B3GALNT2: variants seen among roughly 807,000 people sequenced by gnomAD.
The protein encoded by B3GALNT2 is beta-1,3-N-acetylgalactosaminyltransferase 2.
B3GALNT2 carries 53 observed loss-of-function variants against 61.1 expected under a neutral mutation model. The observed-to-expected ratio is 0.87, with a 90% CI of 0.70 to 1.09. The LOEUF (loss-of-function observed/expected upper bound fraction) is 1.09, where lower values mean the gene tolerates loss of function less well. B3GALNT2 is among the 50% of genes least tolerant of loss of function. The pLI is 0.00. For synonymous variants in B3GALNT2, 223 were observed against 237.4 expected (o/e 0.94, Z 0.56); for missense variants, 544 against 623.0 (o/e 0.87, Z 1.35).
chr1:235,489,144 C>T, intron 3 of B3GALNT2, 24 bp downstream of exon 3: 1 of 1,612,224 alleles, frequency 6.2e-7, no homozygotes, highest in Non-Finnish European at 8.5e-7. Flanking sequence ...TTGTGTATGG[C>T]AGTCAAGGGA....
In B3GALNT2 at chr1:235,455,581, C is replaced by T. The variant is rs1391781569; in HGVS notation, c.1129G>A (p.Gly377Arg). The change falls in exon 9 of 12, where the codon GGG becomes AGG. Residue 377 changes from glycine to arginine, a missense_variant. Physicochemically the swap from Gly to Arg is moderately radical, Grantham distance 125. Coordinates refer to ENST00000366600, the MANE Select transcript of B3GALNT2 (RefSeq NM_152490.5). ...FNRIVQKNLDGPNFWWGNFRL... is the reference protein window; with the variant it reads ...FNRIVQKNLDRPNFWWGNFRL... ...TACTTTCCCCACCAAAAATTAGGCC[C>T]ATCCAGATTCTTTTGGACAATCCTA... 1 of 1,612,792 alleles carries T rather than the reference C, an allele frequency of 6.2e-7. No homozygotes were observed. The highest frequency in any genetic ancestry group is 1.3e-5 in the African/African-American group (1 of 74,882).
chr1:235,460,115 C>CTCTT (rs34044563), intron 7 of B3GALNT2, among the ~76,000 whole-genome samples: 150,684 of 151,850 alleles, frequency 0.99, 74,766 homozygotes, highest in Middle Eastern at 1. Flanking sequence ...TTTCTTTCCT[C>CTCTT]TTTCTTTTTT....
At chr1:235,441,520 C>T in the B3GALNT2 span, 60 of 419,306 alleles carry the variant, frequency 1.4e-4, no homozygotes, top group African/African-American at 1.1e-3. Flanking sequence ...TGATGTAATA[C>T]ACATGTAAAC....
At chr1:235,453,781 CAT>C (rs1683038330) in intron 10 of B3GALNT2, among the ~76,000 whole-genome samples, 1 of 152,088 alleles carries the variant, frequency 6.6e-6, no homozygotes, top group Non-Finnish European at 1.5e-5. Flanking sequence ...TAGCTGAAAA[CAT>C]AATAAGTAGG....
At chr1:235,478,150 T>C (rs1684373874) in intron 5 of B3GALNT2, among the ~76,000 whole-genome samples, 1 of 152,088 alleles carries the variant, frequency 6.6e-6, no homozygotes. Context: ...TCCCCCGGGT[T>C]CAAGCGATAC....
intron 5 of B3GALNT2, among the ~76,000 whole-genome samples, chr1:235,478,486 A>C (rs1684400335): frequency 1.3e-5 from 2 of 152,236 alleles, no homozygotes. Context: ...GATTGTTCAC[A>C]CTGATACAAA....
chr1:235,502,179 A>C (rs1171179014), intron 1 of B3GALNT2, among the ~76,000 whole-genome samples: 2 of 152,102 alleles, frequency 1.3e-5, no homozygotes, highest in Non-Finnish European at 2.9e-5. Context: ...TGCCCGGCTA[A>C]TTTTTGTATT....
At chr1:235,453,257 T>C in intron 10 of B3GALNT2, 111 bp from the exon 11 acceptor site, 1 of 1,106,746 alleles carries the variant, frequency 9.0e-7, no homozygotes, top group Non-Finnish European at 1.3e-6. Context: ...TTTTGCTCTG[T>C]TATTATTCTA....
At position 235,469,801 on chromosome 1, in the gene B3GALNT2, G is replaced by A. The variant is rs967619857; in HGVS notation, c.762+1049C>T. 2.6e-5 allele frequency among the ~76,000 whole-genome samples: 4 copies of A among 151,452 alleles called. No individual in the cohort carries two copies. The South Asian group carries it at 8.3e-4, about 32-fold the overall frequency. ...GGTCTTGACCTCCTGACCTCCAGTG[G>A]TCCACCCACCTTAGCCTCCCAAAGT... On this transcript the variant is annotated intron_variant, in intron 6 of 11. Coordinates refer to ENST00000366600, the MANE Select transcript of B3GALNT2 (RefSeq NM_152490.5).
rs564717310 is a variant in B3GALNT2, at chr1:235,470,911, A to G, written c.701T>C (p.Val234Ala). The change falls in exon 6 of 12, where the codon GTG becomes GCG. Residue 234 changes from valine (V) to alanine (A), a missense_variant. Transcript: ENST00000366600. Reference protein sequence around the residue: ...VWESQDLHGLVSRNLHKVTVN... With the variant: ...VWESQDLHGLASRNLHKVTVN... Reference sequence around the variant, plus strand: ...TGTCACTTTGTGGAGATTTCTTGACACAAGGCCGTGGAGGTCTTGGCTCTC... The same window carrying G: ...TGTCACTTTGTGGAGATTTCTTGACGCAAGGCCGTGGAGGTCTTGGCTCTC... 7 of 1,614,134 alleles carry G rather than the reference A, an allele frequency of 4.3e-6. No individual in the cohort carries two copies. In the African/African-American group the frequency reaches 9.3e-5, roughly 22 times the overall value.
intron 1 of B3GALNT2, among the ~76,000 whole-genome samples, chr1:235,499,883 G>T (rs916652699): frequency 1.1e-4 from 16 of 152,184 alleles, no homozygotes; most frequent in African/African-American, 3.4e-4. Context: ...TTTAATAAAA[G>T]AAGGTAAGTT....
At chr1:235,492,738 T>C (rs892033572) in intron 2 of B3GALNT2, among the ~76,000 whole-genome samples, 8 of 151,902 alleles carry the variant, frequency 5.3e-5, no homozygotes, top group Non-Finnish European at 1.2e-4. Flanking sequence ...ACAAACAAGA[T>C]AGGGGTGGGC....
downstream of B3GALNT2, among the ~76,000 whole-genome samples, chr1:235,443,421 C>T (rs920612085): frequency 1.3e-5 from 2 of 152,172 alleles, no homozygotes; most frequent in East Asian, 3.9e-4. Flanking sequence ...AGGCTGGTCT[C>T]GAATTCCTGA....
At chr1:235,493,047 G>A (rs1025477787) in intron 2 of B3GALNT2, among the ~76,000 whole-genome samples, 1 of 152,182 alleles carries the variant, frequency 6.6e-6, no homozygotes, top group South Asian at 2.1e-4. Context: ...TCTGGCTGCT[G>A]TATGGAAAAT....
In B3GALNT2 at chr1:235,449,008, A is replaced by G; in HGVS notation, c.*1198T>C. ...TATTTCATATTTATTTTTACAGCTC[A>G]TCACTGCATTTCATGATAAGATTTA... is the stretch of plus-strand genomic sequence containing the variant. On this transcript the variant is annotated 3_prime_UTR_variant, in exon 12 of 12. Transcript: ENST00000366600. The G allele has an allele frequency of 2.5e-6, 1 of 407,476 alleles. No individual in the cohort carries two copies. Among genetic ancestry groups the G allele is most frequent in the Non-Finnish European group, 4.6e-6 (1 of 218,114 alleles). 25.2% of individuals were successfully genotyped at this position (407,476 alleles called of 1,614,324 possible).
intron 7 of B3GALNT2, among the ~76,000 whole-genome samples, chr1:235,459,951 GCC>G (rs1558412418): frequency 1.3e-5 from 2 of 151,736 alleles, no homozygotes; most frequent in Non-Finnish European, 2.9e-5. Context: ...TAGCTACCAC[GCC>G]CGGCTAATTT....
At position 235,484,489 on chromosome 1, in the gene B3GALNT2, T is replaced by G; in HGVS notation, c.388A>C (p.Ser130Arg). The G allele has an allele frequency of 6.2e-7, 1 of 1,614,102 alleles. No homozygotes were observed. The highest frequency in any genetic ancestry group is 8.5e-7 in the Non-Finnish European group (1 of 1,180,004). ...CCCGATGAAGTGTCTTCGGACAGAC[T>G]GAACGCTTCAATTTCCTGATTCAAA... ...PVLNQEIEAFSLSEDTSSGLP... is the reference protein window; with the variant it reads ...PVLNQEIEAFRLSEDTSSGLP... Residue 130 changes from serine (S) to arginine (R), a missense_variant, in exon 4 of 12, where the codon AGT becomes CGT. By Grantham distance (110) the Ser-to-Arg change is moderately radical. Transcript: ENST00000366600.
chr1:235,441,800 GCTTT>G, the B3GALNT2 span: 1 of 1,612,988 alleles, frequency 6.2e-7, no homozygotes, highest in Non-Finnish European at 8.5e-7. Flanking sequence ...CATCTCTTTT[GCTTT>G]CTTAAACAGA....
intron 5 of B3GALNT2, among the ~76,000 whole-genome samples, chr1:235,474,762 A>G (rs895144846): frequency 1.3e-5 from 2 of 151,582 alleles, no homozygotes; most frequent in African/African-American, 4.8e-5. Flanking sequence ...TGGAGGTTGC[A>G]GTGAGCCAAG....
Sources: allele counts gnomAD v4.1 joint callset (sites outside exome capture counted in the v4.1 genomes callset), GRCh38; gene constraint gnomAD v4.1.1; transcripts MANE v1.5; gene names NCBI Gene and HGNC (gene_info 2026-07-23, HGNC 2026-07-21).